Variants in DGCR2 observed in about 807,000 individuals in gnomAD.
DGCR2 encodes the protein integral membrane protein DGCR2/IDD.
A neutral mutation model predicts 51.6 loss-of-function variants in DGCR2; 24 were observed. That is an observed-to-expected ratio of 0.47 (90% CI 0.34 to 0.65). The LOEUF is 0.65. Ranked by LOEUF, DGCR2 falls within the 30% of genes least tolerant of loss-of-function variation. DGCR2 has a pLI of 0.01. For missense variants in DGCR2, 765 were observed against 772.1 expected, an observed-to-expected ratio of 0.99 and a Z score of 0.11; for synonymous variants, 340 against 315.4, an observed-to-expected ratio of 1.08 and a Z score of -0.82.
At chr22:19,046,024 C>T (rs1012127834) in intron 7 of DGCR2, 2 of 152,070 alleles carry the variant, frequency 1.3e-5, no homozygotes, top group African/African-American at 4.8e-5. Context: ...CACCATGCCT[C>T]GCTCCACCTG....
intron 4 of DGCR2, among the ~76,000 whole-genome samples, chr22:19,063,792 A>G (rs1339898566): frequency 6.6e-6 from 1 of 152,208 alleles, no homozygotes; most frequent in East Asian, 1.9e-4. Context: ...AAGCTTTCAC[A>G]ATTTAAGCAA....
chr22:19,068,176 C>CG lies in DGCR2; in HGVS notation c.251dup (p.Arg85AlafsTer74). The CG allele has an allele frequency of 6.2e-7, 1 of 1,611,472 alleles. No individual in the cohort carries two copies. Among genetic ancestry groups the CG allele is most frequent in the Non-Finnish European group, 8.5e-7 (1 of 1,179,160 alleles). On this transcript the variant is annotated frameshift_variant, in exon 3 of 10. Coordinates refer to ENST00000263196, the MANE Select transcript of DGCR2 (RefSeq NM_005137.3). LOFTEE classifies it high-confidence loss of function. The stretch of plus-strand genomic sequence containing the variant: ...CGCCTCCTCTGGCCCGCCCCTGCCG[C>CG]GGATCCACAGCCTCCTTCCCATGAT...
chr22:19,095,199 C>T (rs746236691), intron 1 of DGCR2, among the ~76,000 whole-genome samples: 10 of 152,056 alleles, frequency 6.6e-5, no homozygotes, highest in Non-Finnish European at 5.9e-5. Flanking sequence ...CCCATCTCTA[C>T]TAAAAATACA....
At chr22:19,062,562 G>A (rs2082676609) in intron 5 of DGCR2, among the ~76,000 whole-genome samples, 1 of 152,186 alleles carries the variant, frequency 6.6e-6, no homozygotes, top group South Asian at 2.1e-4. Flanking sequence ...GGAAGGGGCA[G>A]GGCAAGGGAG....
intron 8 of DGCR2, 164 bp from the exon 9 acceptor site, chr22:19,041,458 C>T: frequency 3.0e-6 from 2 of 676,956 alleles, no homozygotes; most frequent in Non-Finnish European, 5.0e-6. Context: ...CATGAGACCC[C>T]TGGTGTGCTC....
rs774215641 is a variant in DGCR2, at chr22:19,038,915, G to A, written c.1603C>T (p.Leu535=). 5.0e-6 allele frequency: 8 copies of A among 1,612,808 alleles called. No individual in the cohort carries two copies. Among genetic ancestry groups the A allele is most frequent in the African/African-American group, 1.3e-5 (1 of 75,062 alleles). Residue 535 remains leucine (L), a synonymous_variant, in exon 10 of 10, where the codon CTG becomes TTG. Transcript: ENST00000263196. ...CGGCTGTGGCGGCCACCCCCTGGCAGTGCCTCTGCAGCTGGGGTGCTCCCG... is the reference window on the plus strand; with the variant it reads ...CGGCTGTGGCGGCCACCCCCTGGCAATGCCTCTGCAGCTGGGGTGCTCCCG... ...QSGSTPAAEA[L]PGGGRHSRSS...
chr22:19,058,535 C>G (rs2146327216), intron 5 of DGCR2, among the ~76,000 whole-genome samples: 1 of 152,370 alleles, frequency 6.6e-6, no homozygotes, highest in South Asian at 2.1e-4. Context: ...CAGATGCCTT[C>G]TCACCTAAGT....
At chr22:19,119,168 G>C (rs2083404749) in intron 1 of DGCR2, among the ~76,000 whole-genome samples, 1 of 152,220 alleles carries the variant, frequency 6.6e-6, no homozygotes, top group Non-Finnish European at 1.5e-5. Context: ...AAGCTGTTCA[G>C]AGCATAATAT....
chr22:19,064,239 C>A (rs896968310), intron 4 of DGCR2, among the ~76,000 whole-genome samples: 7 of 152,380 alleles, frequency 4.6e-5, no homozygotes, highest in South Asian at 2.1e-4. Context: ...GGCTGCCCTG[C>A]CCTCCGGGCT....
chr22:19,049,834 A>G (rs1269711516), intron 6 of DGCR2, among the ~76,000 whole-genome samples: 1 of 152,064 alleles, frequency 6.6e-6, no homozygotes, highest in African/African-American at 2.4e-5. Flanking sequence ...CTCAAAAAAA[A>G]AAAAAAAAAA....
chr22:19,067,369 A>C (rs1177327367), intron 3 of DGCR2, among the ~76,000 whole-genome samples: 1 of 152,106 alleles, frequency 6.6e-6, no homozygotes, highest in Non-Finnish European at 1.5e-5. Flanking sequence ...GTCATAGGTA[A>C]TTTATTAAAT....
In DGCR2 at chr22:19,075,403, T is replaced by C. The variant is rs541664852; in HGVS notation, c.203-7178A>G. On this transcript the variant is annotated intron_variant, in intron 2 of 9. Coordinates refer to ENST00000263196, the MANE Select transcript of DGCR2 (RefSeq NM_005137.3). ...CAGAGCTTGCAGTGAGCCGAGATCG[T>C]GCCACTGCACTCCAGCCTGGGCCAC... 2.6e-4 allele frequency among the ~76,000 whole-genome samples: 39 copies of C among 151,466 alleles called. No individual in the cohort carries two copies. The South Asian group carries it at 7.9e-3, about 31-fold the overall frequency.
chr22:19,073,266 CA>C (rs1041093196), intron 2 of DGCR2, among the ~76,000 whole-genome samples: 1 of 149,274 alleles, frequency 6.7e-6, no homozygotes, highest in Non-Finnish European at 1.5e-5. Context: ...GTCACACACA[CA>C]AAAAAAAACT....
chr22:19,121,285 T>C (rs1356436796), intron 1 of DGCR2, among the ~76,000 whole-genome samples: 1 of 152,074 alleles, frequency 6.6e-6, no homozygotes, highest in East Asian at 1.9e-4. Context: ...TAAAAGTTCA[T>C]TTTTTTTCTG....
intron 8 of DGCR2, 79 bp from the exon 9 acceptor site, chr22:19,041,373 C>T: frequency 1.4e-6 from 2 of 1,424,118 alleles, no homozygotes; most frequent in South Asian, 1.2e-5. Context: ...CCCCCCACCC[C>T]CAGGCTGGGC....
In DGCR2 at chr22:19,038,930, G is replaced by C. The variant is rs747938084; in HGVS notation, c.1588C>G (p.Pro530Ala). 3.7e-6 allele frequency: 6 copies of C among 1,612,568 alleles called. No individual in the cohort carries two copies. Among genetic ancestry groups the C allele is most frequent in the Non-Finnish European group, 5.1e-6 (6 of 1,179,858 alleles). The change falls in exon 10 of 10, where the codon CCA becomes GCA. Residue 530 changes from proline (P) to alanine (A), a missense_variant. Physicochemically the swap from Pro to Ala is conservative, Grantham distance 27. Coordinates refer to ENST00000263196, the MANE Select transcript of DGCR2 (RefSeq NM_005137.3). ...PPDPAQSGST[P>A]AAEALPGGGR... ...CCCCCTGGCAGTGCCTCTGCAGCTG[G>C]GGTGCTCCCGCTCTGGGCAGGGTCA...
chr22:19,046,154 A>G (rs2082487235), intron 7 of DGCR2: 2 of 152,232 alleles, frequency 1.3e-5, no homozygotes, highest in South Asian at 4.1e-4. Flanking sequence ...CACCTGATCC[A>G]TGAACATGGT....
intron 1 of DGCR2, among the ~76,000 whole-genome samples, chr22:19,096,174 C>A (rs1485591507): frequency 2.0e-5 from 3 of 152,112 alleles, no homozygotes; most frequent in African/African-American, 2.4e-5. Flanking sequence ...TTTCTAACTT[C>A]TTATTATTTT....
chr22:19,062,775 G>GCTCTCGCTCTCTCTCTCTCT (rs1491258740), intron 5 of DGCR2, among the ~76,000 whole-genome samples: 2 of 108,860 alleles, frequency 1.8e-5, no homozygotes, highest in Non-Finnish European at 1.9e-5. Flanking sequence ...ACACATGCAT[G>GCTCTCGCTCTCTCTCTCTCT]CTCACTCTCT....
Sources: gnomAD v4.1 joint callset for allele counts (sites outside exome capture counted in the v4.1 genomes callset) on GRCh38, gnomAD v4.1.1 for gene constraint, MANE v1.5 for transcripts, NCBI Gene and HGNC (gene_info 2026-07-23, HGNC 2026-07-21) for gene names.